Variants in CEP152 observed in about 807,000 individuals in gnomAD.
The protein encoded by CEP152 is centrosomal protein 152.
In CEP152, 132 loss-of-function variants were observed where a neutral mutation model predicts 188.9. The observed-to-expected ratio is 0.70, with a 90% CI of 0.61 to 0.81. The LOEUF (loss-of-function observed/expected upper bound fraction) is 0.81. Among genes scored for constraint, CEP152 ranks in the 30% least tolerant of loss-of-function variants. CEP152 has a pLI of 0.00. For missense variants in CEP152, 1,914 were observed against 1,969.8 expected, an observed-to-expected ratio of 0.97 and a Z score of 0.54; for synonymous variants, 649 against 666.6, an observed-to-expected ratio of 0.97 and a Z score of 0.41.
At chr15:48,773,130 ATATC>A (rs1266940998) in intron 12 of CEP152, 1 of 160,168 alleles carries the variant, frequency 6.2e-6, no homozygotes, top group African/African-American at 2.4e-5. Flanking sequence ...GTCTGGGTGA[ATATC>A]TGAGTAACTA....
intron 12 of CEP152, among the ~76,000 whole-genome samples, chr15:48,780,241 G>C (rs1232014603): frequency 6.6e-6 from 1 of 152,052 alleles, no homozygotes; most frequent in African/African-American, 2.4e-5. Context: ...TGATTTGTAG[G>C]GATGAGAGTC....
chr15:48,786,051 A>T (rs1215638277), intron 9 of CEP152, among the ~76,000 whole-genome samples: 1 of 151,258 alleles, frequency 6.6e-6, no homozygotes, highest in Non-Finnish European at 1.5e-5. Flanking sequence ...GGAGTCTCTA[A>T]GCCAACAGAA....
rs1895161781 is a variant in CEP152, at chr15:48,766,998, AATG to A, written c.2280+59_2280+61del. On this transcript the variant is annotated intron_variant, in intron 17 of 26. Coordinates refer to ENST00000380950, the MANE Select transcript of CEP152 (RefSeq NM_001194998.2). ...TCTCTAGAACAAATGTATTCGTTTA[AATG>A]ATAATACTGAGGCTTGAAGAGTGAA... The A allele has an allele frequency of 6.2e-6, 10 of 1,600,212 alleles. No homozygotes were observed. The South Asian group carries it at 7.7e-5, about 12-fold the overall frequency.
chr15:48,780,405 TA>T (rs1214944269), intron 12 of CEP152, among the ~76,000 whole-genome samples: 2 of 152,212 alleles, frequency 1.3e-5, no homozygotes, highest in Non-Finnish European at 2.9e-5. Context: ...ATGTAACTTC[TA>T]AAACCTATCG....
chr15:48,764,671 C>T (rs576946998), intron 17 of CEP152, among the ~76,000 whole-genome samples: 53 of 152,192 alleles, frequency 3.5e-4, no homozygotes, highest in African/African-American at 1.2e-3. Context: ...GATTTTTTCC[C>T]CCTTTCTCTC....
Position 48,738,597 on chromosome 15 carries a change from T to G in CEP152, c.4785A>C (p.Pro1595=). 3.7e-6 allele frequency: 6 copies of G among 1,614,218 alleles called. No individual in the cohort carries two copies. Among genetic ancestry groups the G allele is most frequent in the Non-Finnish European group, 5.1e-6 (6 of 1,180,020 alleles). ...SREASFVHGR[P]QGTLEIPSES... ...CACTTGGTATTTCCAAAGTTCCTTG[T>G]GGCCTACCATGTACAAATGATGCTT... Residue 1595 remains proline, a synonymous_variant, in exon 27 of 27, where the codon CCA becomes CCC. Transcript: ENST00000380950.
intron 2 of CEP152, among the ~76,000 whole-genome samples, chr15:48,800,057 T>C (rs1193966089): frequency 1.3e-5 from 2 of 152,142 alleles, no homozygotes; most frequent in Non-Finnish European, 2.9e-5. Context: ...GAGTACATTG[T>C]TTTCCCCGCA....
At chr15:48,801,750 G>A (rs1897679514) in intron 2 of CEP152, among the ~76,000 whole-genome samples, 2 of 152,142 alleles carry the variant, frequency 1.3e-5, no homozygotes, top group Admixed American at 1.3e-4. Context: ...TTAAGCTGTG[G>A]CTTTACCAAC....
intron 17 of CEP152, chr15:48,765,706 T>C (rs1346023853): frequency 8.2e-6 from 3 of 364,082 alleles, no homozygotes; most frequent in Non-Finnish European, 1.0e-5. Context: ...CAGGCTGGAG[T>C]GCAGTGGCGC....
intron 9 of CEP152, among the ~76,000 whole-genome samples, chr15:48,787,231 A>C (rs1896719072): frequency 7.3e-6 from 1 of 137,296 alleles, no homozygotes; most frequent in South Asian, 2.3e-4. Flanking sequence ...GCAGTGGTGC[A>C]ATCATGGCTC....
intron 2 of CEP152, among the ~76,000 whole-genome samples, chr15:48,732,478 AACATTGGGAG>A (rs776738068): frequency 7.9e-5 from 12 of 152,110 alleles, no homozygotes; most frequent in Admixed American, 3.9e-4. Flanking sequence ...AGTGAGTGAG[AACATTGGGAG>A]CTGAACATTG....
chr15:48,741,573 A>C, intron 26 of CEP152, 28 bp downstream of exon 26: 1 of 1,614,072 alleles, frequency 6.2e-7, no homozygotes. Context: ...AAGATAGAAA[A>C]ACCATTTGGC....
At chr15:48,775,268 T>C (rs1895816959) in intron 12 of CEP152, among the ~76,000 whole-genome samples, 1 of 151,496 alleles carries the variant, frequency 6.6e-6, no homozygotes, top group Non-Finnish European at 1.5e-5. Flanking sequence ...ACAAATTTGG[T>C]AAAAGACATA....
Position 48,739,039 on chromosome 15 carries a change from C to T in CEP152, c.4343G>A (p.Gly1448Asp). ...ETHLEFQFGDGSCKHLNSLPR... is the reference protein window; with the variant it reads ...ETHLEFQFGDDSCKHLNSLPR... ...CAAACTGTTTAGGTGCTTGCAACTA[C>T]CATCCCCAAACTGGAATTCCAAATG... Residue 1448 changes from glycine to aspartate, a missense_variant, in exon 27 of 27, where the codon GGT (glycine) becomes GAT (aspartate). Coordinates refer to ENST00000380950, the MANE Select transcript of CEP152 (RefSeq NM_001194998.2). 2 of 1,614,168 alleles carry T rather than the reference C, an allele frequency of 1.2e-6. No individual in the cohort carries two copies. The highest frequency in any genetic ancestry group is 1.7e-6 in the Non-Finnish European group (2 of 1,180,012).
At chr15:48,770,316 C>T (rs752979223) in intron 13 of CEP152, among the ~76,000 whole-genome samples, 4 of 151,766 alleles carry the variant, frequency 2.6e-5, no homozygotes, top group Non-Finnish European at 4.4e-5. Flanking sequence ...TGTACACTAC[C>T]GAGAATTCAC....
At chr15:48,772,154 G>C (rs1120041) in intron 13 of CEP152, among the ~76,000 whole-genome samples, 20 of 152,266 alleles carry the variant, frequency 1.3e-4, no homozygotes, top group Middle Eastern at 3.4e-3. Flanking sequence ...AGTCACACCT[G>C]TAATCCAACA....
Position 48,738,138 on chromosome 15 carries a change from T to A in CEP152, c.*111A>T. ...AAGAATGCTTTACTTATATAACAGATGTTATTAAAACATCTCAAAAGAGGC... is the reference window on the plus strand; with the variant it reads ...AAGAATGCTTTACTTATATAACAGAAGTTATTAAAACATCTCAAAAGAGGC... On this transcript the variant is annotated 3_prime_UTR_variant, in exon 27 of 27. Transcript: ENST00000380950. 1.8e-6 allele frequency: 2 copies of A among 1,108,742 alleles called. No individual in the cohort carries two copies. Among genetic ancestry groups the A allele is most frequent in the Non-Finnish European group, 2.5e-6 (2 of 795,538 alleles). 68.7% of individuals were successfully genotyped at this position (1,108,742 alleles called of 1,614,324 possible).
intron 12 of CEP152, among the ~76,000 whole-genome samples, chr15:48,772,922 G>A (rs1260524214): frequency 1.3e-5 from 2 of 152,130 alleles, no homozygotes; most frequent in Non-Finnish European, 2.9e-5. Flanking sequence ...GCTTAGTCCT[G>A]CTGCTCACTG....
intron 2 of CEP152, among the ~76,000 whole-genome samples, chr15:48,730,557 T>C (rs1156492792): frequency 6.6e-6 from 1 of 152,172 alleles, no homozygotes; most frequent in Non-Finnish European, 1.5e-5. Context: ...CAGGAAGACC[T>C]GGAAGCGCTC....
Sources: allele counts gnomAD v4.1 joint callset (sites outside exome capture counted in the v4.1 genomes callset), GRCh38; gene constraint gnomAD v4.1.1; transcripts MANE v1.5; gene names NCBI Gene and HGNC (gene_info 2026-07-23, HGNC 2026-07-21).